The following GPC6 variants were observed in gnomAD, a reference collection of about 807,000 sequenced individuals.
GPC6 encodes the protein glypican-6.
Under a neutral mutation model 55.2 loss-of-function variants are expected in GPC6, and 14 were observed. That is an observed-to-expected ratio of 0.25 (90% CI 0.17 to 0.40). The LOEUF is 0.40. Among genes scored for constraint, GPC6 ranks in the 10% least tolerant of loss-of-function variants. GPC6 has a pLI of 1.00. For missense variants in GPC6, 641 were observed against 708.5 expected (o/e 0.90, Z 1.08); for synonymous variants, 278 against 259.6 (o/e 1.07, Z -0.68).
intron 1 of GPC6, among the ~76,000 whole-genome samples, chr13:93,317,770 C>T (rs1879292585): frequency 6.6e-6 from 1 of 152,088 alleles, no homozygotes; most frequent in Non-Finnish European, 1.5e-5. Flanking sequence ...AGGCTTGAAA[C>T]TTAATTGAAA....
chr13:94,161,573 C>A (rs925081891), intron 4 of GPC6, among the ~76,000 whole-genome samples: 4 of 152,130 alleles, frequency 2.6e-5, no homozygotes, highest in Admixed American at 6.5e-5. Context: ...TCATCAGATT[C>A]ATCATTTAGT....
At chr13:94,266,473 CCT>C (rs1891822331) in intron 4 of GPC6, among the ~76,000 whole-genome samples, 1 of 152,072 alleles carries the variant, frequency 6.6e-6, no homozygotes, top group South Asian at 2.1e-4. Flanking sequence ...CAGCCATCTC[CCT>C]GTTTTTTCTT....
At chr13:94,290,428 G>GT (rs1279193542) in intron 5 of GPC6, among the ~76,000 whole-genome samples, 12 of 78,774 alleles carry the variant, frequency 1.5e-4, no homozygotes, top group East Asian at 7.3e-4. Context: ...CTCTAGAAAG[G>GT]TAAAAAAAAA....
rs1278557306 is a variant in GPC6 at position 94,204,018 on chromosome 13, A to G, written c.878-82331A>G. Among the ~76,000 whole-genome samples the G allele has an allele frequency of 2.0e-5, 3 of 152,278 alleles. No individual in the cohort carries two copies. In the East Asian group the frequency reaches 5.8e-4, roughly 29 times the overall value. ...ATATGTTTACCTACTTTATTGTTTA[A>G]ACATATAACTTTGAAGGAATATCCA... On this transcript the variant is annotated intron_variant, in intron 4 of 8. Coordinates refer to ENST00000377047, the MANE Select transcript of GPC6 (RefSeq NM_005708.5).
chr13:93,822,202 A>G (rs1342500286), intron 2 of GPC6, among the ~76,000 whole-genome samples: 4 of 152,048 alleles, frequency 2.6e-5, no homozygotes, highest in African/African-American at 7.2e-5. Context: ...AATATTTTCT[A>G]TGTGTACAAA....
intron 1 of GPC6, among the ~76,000 whole-genome samples, chr13:93,281,691 C>A (rs1181541667): frequency 6.6e-6 from 1 of 152,102 alleles, no homozygotes; most frequent in African/African-American, 2.4e-5. Flanking sequence ...GTGGTGGGCA[C>A]CTATAATCCC....
chr13:94,101,397 A>G (rs150769378), intron 4 of GPC6, among the ~76,000 whole-genome samples: 12 of 152,332 alleles, frequency 7.9e-5, no homozygotes, highest in African/African-American at 2.6e-4. Flanking sequence ...ACTTATGTCC[A>G]TGGACTGTGA....
intron 3 of GPC6, among the ~76,000 whole-genome samples, chr13:93,854,876 A>C (rs1373620884): frequency 7.0e-6 from 1 of 143,760 alleles, no homozygotes; most frequent in African/African-American, 2.6e-5. Context: ...ATTCTTTTTC[A>C]GAGCAGTTTT....
chr13:93,231,380 C>T (rs181818960), intron 1 of GPC6, among the ~76,000 whole-genome samples: 5,562 of 28,990 alleles, frequency 0.19, 371 homozygotes, highest in Non-Finnish European at 0.26. Flanking sequence ...TATATATATA[C>T]ATATATATAT....
intron 1 of GPC6, among the ~76,000 whole-genome samples, chr13:93,303,056 C>A (rs1878735481): frequency 1.3e-5 from 2 of 152,116 alleles, no homozygotes; most frequent in African/African-American, 4.8e-5. Context: ...GTGGGATAGA[C>A]CAAAGAAGGC....
chr13:94,048,135 A>G (rs1883797638), intron 4 of GPC6, among the ~76,000 whole-genome samples: 1 of 152,086 alleles, frequency 6.6e-6, no homozygotes, highest in Non-Finnish European at 1.5e-5. Flanking sequence ...AGCTCTGAGG[A>G]AAACATATAG....
chr13:93,826,543 G>A (rs1035128522), intron 2 of GPC6, among the ~76,000 whole-genome samples: 4 of 152,140 alleles, frequency 2.6e-5, no homozygotes, highest in African/African-American at 7.2e-5. Flanking sequence ...GGAAAAGGAT[G>A]TTATATAGTA....
chr13:93,354,058 G>A (rs575195395), intron 1 of GPC6, among the ~76,000 whole-genome samples: 42 of 152,176 alleles, frequency 2.8e-4, no homozygotes, highest in African/African-American at 9.4e-4. Context: ...CTAAAAATCC[G>A]ACAAGAACTA....
At chr13:94,327,040 A>C (rs1877157433) in intron 6 of GPC6, among the ~76,000 whole-genome samples, 1 of 152,212 alleles carries the variant, frequency 6.6e-6, no homozygotes, top group South Asian at 2.1e-4. Context: ...TTTAGCGTCT[A>C]TCAGCACCAA....
intron 4 of GPC6, among the ~76,000 whole-genome samples, chr13:94,148,396 G>A (rs1887631369): frequency 6.6e-6 from 1 of 152,102 alleles, no homozygotes; most frequent in East Asian, 1.9e-4. Context: ...ACTCATTACA[G>A]GAAACATCTT....
At chr13:93,689,890 T>C (rs946269450) in intron 2 of GPC6, among the ~76,000 whole-genome samples, 3 of 152,146 alleles carry the variant, frequency 2.0e-5, no homozygotes, top group Non-Finnish European at 4.4e-5. Flanking sequence ...TCCAGTGTCT[T>C]AGATTAGTCA....
intron 1 of GPC6, among the ~76,000 whole-genome samples, chr13:93,292,831 A>G (rs1197265666): frequency 6.6e-6 from 1 of 152,218 alleles, no homozygotes; most frequent in Non-Finnish European, 1.5e-5. Flanking sequence ...AATTTCTACA[A>G]TTAACCATGT....
intron 1 of GPC6, among the ~76,000 whole-genome samples, chr13:93,487,866 G>C (rs1043541028): frequency 6.6e-6 from 1 of 152,138 alleles, no homozygotes; most frequent in African/African-American, 2.4e-5. Context: ...TAGAGACAAA[G>C]TACTATCATC....
intron 2 of GPC6, among the ~76,000 whole-genome samples, chr13:93,577,247 C>T (rs74315911): frequency 0.031 from 4,689 of 152,172 alleles, 230 homozygotes; most frequent in African/African-American, 0.11. Flanking sequence ...AAAATGCCCA[C>T]GGGTTCTCTA....
Sources: allele counts gnomAD v4.1 joint callset (sites outside exome capture counted in the v4.1 genomes callset), GRCh38; gene constraint gnomAD v4.1.1; transcripts MANE v1.5; gene names NCBI Gene and HGNC (gene_info 2026-07-23, HGNC 2026-07-21).